The following CACNG3 variants were observed in gnomAD, a reference collection of about 807,000 sequenced individuals.
The protein encoded by CACNG3 is voltage-dependent calcium channel gamma-3 subunit.
CACNG3 carries 3 observed loss-of-function variants against 28.5 expected under a neutral mutation model. The observed-to-expected ratio is 0.11, with a 90% CI of 0.05 to 0.27. The LOEUF (loss-of-function observed/expected upper bound fraction) is 0.27, where lower values mean the gene tolerates loss of function less well. Ranked by LOEUF, CACNG3 falls within the 10% of genes least tolerant of loss-of-function variation. CACNG3 has a pLI of 1.00. For synonymous variants in CACNG3, 174 were observed against 162.2 expected, an observed-to-expected ratio of 1.07 and a Z score of -0.55; for missense variants, 236 against 414.4, an observed-to-expected ratio of 0.57 and a Z score of 3.74.
chr16:24,335,733 G>A (rs1252279298), intron 1 of CACNG3, among the ~76,000 whole-genome samples: 3 of 152,012 alleles, frequency 2.0e-5, no homozygotes, highest in Admixed American at 2.0e-4. Flanking sequence ...CTTACCCAAG[G>A]CCTGACAGAG....
At chr16:24,344,581 CT>C (rs370372302) in intron 1 of CACNG3, among the ~76,000 whole-genome samples, 1 of 152,098 alleles carries the variant, frequency 6.6e-6, no homozygotes, top group South Asian at 2.1e-4. Context: ...TGAATAAGGT[CT>C]TTTTTTCCCA....
intron 1 of CACNG3, among the ~76,000 whole-genome samples, chr16:24,297,575 G>A (rs959863152): frequency 6.6e-6 from 1 of 152,124 alleles, no homozygotes; most frequent in East Asian, 1.9e-4. Flanking sequence ...CCTACTACCT[G>A]CCAGGCAGGT....
chr16:24,291,243 T>G (rs1331500748), intron 1 of CACNG3, among the ~76,000 whole-genome samples: 1 of 152,230 alleles, frequency 6.6e-6, no homozygotes, highest in Non-Finnish European at 1.5e-5. Context: ...GATTACACAC[T>G]GTGAGTCATC....
At chr16:24,294,809 A>G (rs1303321079) in intron 1 of CACNG3, among the ~76,000 whole-genome samples, 1 of 152,254 alleles carries the variant, frequency 6.6e-6, no homozygotes, top group East Asian at 1.9e-4. Flanking sequence ...CAGTTTGTCT[A>G]GCAAAATTAG....
chr16:24,338,633 C>A (rs897296646), intron 1 of CACNG3, among the ~76,000 whole-genome samples: 3 of 152,162 alleles, frequency 2.0e-5, no homozygotes, highest in South Asian at 2.1e-4. Context: ...GCATGAGCCA[C>A]CATGCCCAGC....
At chr16:24,327,044 G>A (rs1899557089) in intron 1 of CACNG3, among the ~76,000 whole-genome samples, 1 of 139,502 alleles carries the variant, frequency 7.2e-6, no homozygotes, top group Non-Finnish European at 1.5e-5. Context: ...GGCGGTAAAT[G>A]TGATGGTAGC....
chr16:24,359,416 C>T (rs959123030), intron 3 of CACNG3, among the ~76,000 whole-genome samples: 5 of 152,236 alleles, frequency 3.3e-5, no homozygotes, highest in African/African-American at 1.2e-4. Flanking sequence ...TGTCAAACCC[C>T]ATAATAAGAA....
At chr16:24,275,045 G>A (rs1898735926) in intron 1 of CACNG3, among the ~76,000 whole-genome samples, 1 of 152,096 alleles carries the variant, frequency 6.6e-6, no homozygotes, top group South Asian at 2.1e-4. Context: ...GGATTGGCAA[G>A]GTTGAAACTA....
chr16:24,265,288 GAGGAAGGAAGGAAGGAAAAAGAGA>G, intron 1 of CACNG3, among the ~76,000 whole-genome samples: 1 of 141,578 alleles, frequency 7.1e-6, no homozygotes, highest in South Asian at 2.2e-4. Flanking sequence ...GGAAGGAAGG[GAGGAAGGAAGGAAGGAAAAAGAGA>G]AGGAAGGAAG....
At chr16:24,322,089 T>G (rs1158257647) in intron 1 of CACNG3, among the ~76,000 whole-genome samples, 1 of 152,092 alleles carries the variant, frequency 6.6e-6, no homozygotes, top group Non-Finnish European at 1.5e-5. Context: ...GCTAATTCAA[T>G]GGGGGAACCT....
At chr16:24,304,268 C>G (rs1567214089) in intron 1 of CACNG3, among the ~76,000 whole-genome samples, 1 of 152,010 alleles carries the variant, frequency 6.6e-6, no homozygotes, top group African/African-American at 2.4e-5. Flanking sequence ...TTTGGACTTC[C>G]TAATATACAT....
Position 24,304,538 on chromosome 16 carries a change from C to T in CACNG3, c.212-42196C>T, listed in dbSNP as rs79283778. On this transcript the variant is annotated intron_variant, in intron 1 of 3. Transcript: ENST00000005284. ...CTGGTCACTACCAGCCCTGGGAGTG[C>T]GCTAACTTGACCTCCAACAGCACAG... is the stretch of plus-strand genomic sequence containing the variant. Among the ~76,000 whole-genome samples the T allele has an allele frequency of 7.5e-3, 1,142 of 152,126 alleles. 18 individuals are homozygous for T. Among genetic ancestry groups the T allele is most frequent in the African/African-American group, 0.025 (1,025 of 41,498 alleles).
chr16:24,264,359 C>T (rs1358374186), intron 1 of CACNG3, among the ~76,000 whole-genome samples: 3 of 152,176 alleles, frequency 2.0e-5, no homozygotes, highest in Non-Finnish European at 2.9e-5. Context: ...GGGTCAACTA[C>T]AGTCTCAGCA....
intron 1 of CACNG3, among the ~76,000 whole-genome samples, chr16:24,265,798 T>C (rs1037911221): frequency 2.0e-5 from 3 of 152,398 alleles, no homozygotes; most frequent in South Asian, 4.1e-4. Flanking sequence ...GTTTTATTTC[T>C]TGTCATTTAT....
At chr16:24,323,819 G>A (rs901727233) in intron 1 of CACNG3, among the ~76,000 whole-genome samples, 1 of 152,186 alleles carries the variant, frequency 6.6e-6, no homozygotes, top group Non-Finnish European at 1.5e-5. Context: ...CCAGGATGGA[G>A]GGCAGTGGAG....
chr16:24,265,134 C>T (rs1231147626), intron 1 of CACNG3, among the ~76,000 whole-genome samples: 1 of 151,946 alleles, frequency 6.6e-6, no homozygotes, highest in Non-Finnish European at 1.5e-5. Flanking sequence ...CCCAGCTACT[C>T]AGGAGGCTGA....
chr16:24,269,531 C>A (rs777065210), intron 1 of CACNG3, among the ~76,000 whole-genome samples: 4 of 151,902 alleles, frequency 2.6e-5, no homozygotes, highest in East Asian at 1.9e-4. Context: ...GTGGGTGGAT[C>A]GCTTCAGGAG....
chr16:24,314,733 GCC>G (rs1899323116), intron 1 of CACNG3, among the ~76,000 whole-genome samples: 2 of 119,014 alleles, frequency 1.7e-5, no homozygotes, highest in African/African-American at 6.0e-5. Context: ...TAGGACTCTC[GCC>G]TCCTCCTCCT....
intron 2 of CACNG3, among the ~76,000 whole-genome samples, chr16:24,348,234 C>T (rs2141380671): frequency 6.8e-6 from 1 of 146,374 alleles, no homozygotes; most frequent in East Asian, 2.0e-4. Context: ...GCCAACTCTA[C>T]AGAATTTTTT....
Sources: gnomAD v4.1 joint callset for allele counts (sites outside exome capture counted in the v4.1 genomes callset) on GRCh38, gnomAD v4.1.1 for gene constraint, MANE v1.5 for transcripts, NCBI Gene and HGNC (gene_info 2026-07-23, HGNC 2026-07-21) for gene names.